Variants in TTN observed in about 807,000 individuals in gnomAD.
TTN encodes the protein titin, also known as connectin.
Under a neutral mutation model 3,223.0 loss-of-function variants are expected in TTN, and 1,525 were observed. The ratio of observed to expected loss-of-function variants is 0.47; its 90% CI spans 0.45 to 0.49. TTN has a LOEUF of 0.49. Ranked by LOEUF, TTN falls within the 20% of genes least tolerant of loss-of-function variation. The probability of loss-of-function intolerance (pLI) is 0.00; values close to 1 mark genes in which losing one functional copy is unlikely to be tolerated. For missense variants in TTN, 40,786 were observed against 43,424.0 expected, an observed-to-expected ratio of 0.94 and a Z score of 5.40; for synonymous variants, 14,094 against 15,161.0, an observed-to-expected ratio of 0.93 and a Z score of 5.17.
intron 117 of TTN, 149 bp downstream of exon 117, chr2:178,694,450 G>T: frequency 1.8e-6 from 1 of 542,528 alleles, no homozygotes; most frequent in Non-Finnish European, 3.3e-6. Flanking sequence ...TTAAACATAT[G>T]TGCAACTCAA....
chr2:178,541,305 G>C lies in TTN; in HGVS notation c.97772C>G (p.Pro32591Arg). ...ACCAATTGGATCCATGGCAACGATG[G>C]GTTTGGAAGGACGACTTGGTTTCCC... ...GSGKPSRPSKPIVAMDPIAPP... is the reference protein window; with the variant it reads ...GSGKPSRPSKRIVAMDPIAPP... Residue 32591 changes from proline (P) to arginine (R), a missense_variant, in exon 350 of 363, where the codon CCC becomes CGC. Transcript: ENST00000589042. 1 of 1,533,908 alleles carries C rather than the reference G, an allele frequency of 6.5e-7. No homozygotes were observed.
At chr2:178,544,652 T>A in intron 344 of TTN, 146 bp from the exon 345 acceptor site, 1 of 629,294 alleles carries the variant, frequency 1.6e-6, no homozygotes, top group Non-Finnish European at 2.7e-6. Context: ...CTCCTGATAT[T>A]ATAGGACAGC....
chr2:178,542,923 T>C lies in TTN; in HGVS notation c.96931A>G (p.Met32311Val), dbSNP rs727504981. 25 of 1,607,564 alleles carry C rather than the reference T, an allele frequency of 1.6e-5. No individual in the cohort carries two copies. The highest frequency in any genetic ancestry group is 1.6e-4 in the Middle Eastern group (1 of 6,064). The change falls in exon 348 of 363, where the codon ATG becomes GTG. Residue 32311 changes from methionine to valine, a missense_variant. Transcript: ENST00000589042. ...GGGACATGGATGGTCTTCTGAGGCA[T>C]TGTAGAAAGATCGATTGTTGGCAAC... ...RVLPTIDLST[M>V]PQKTIHVPAG...
chr2:178,648,600 G>T (rs1478460377), intron 213 of TTN, among the ~76,000 whole-genome samples: 1 of 152,016 alleles, frequency 6.6e-6, no homozygotes, highest in Admixed American at 6.6e-5. Context: ...AGTAGAGACG[G>T]GGTTTCACCA....
At position 178,536,214 on chromosome 2, in the gene TTN, G is replaced by C; in HGVS notation, c.100533C>G (p.Ser33511Arg). The C allele has an allele frequency of 1.9e-6, 3 of 1,613,228 alleles. No homozygotes were observed. The highest frequency in any genetic ancestry group is 2.5e-6 in the Non-Finnish European group (3 of 1,179,498). ...ELRNLNVRYQ[S>R]NATLVCKVTG... is the part of the protein sequence containing the mutation. ...TCACTTTGCAGACCAAGGTAGCATT[G>C]CTCTGATATCTGACATTTAGATTTC... Residue 33511 changes from serine to arginine, a missense_variant, in exon 357 of 363, where the codon AGC becomes AGG. Ser to Arg is a moderately radical substitution (Grantham distance 110, BLOSUM62 -1). Transcript: ENST00000589042.
In TTN at chr2:178,560,505, T is replaced by C; in HGVS notation, c.85627A>G (p.Lys28543Glu). The C allele has an allele frequency of 1.2e-6, 2 of 1,613,044 alleles. No homozygotes were observed. The highest frequency in any genetic ancestry group is 8.5e-7 in the Non-Finnish European group (1 of 1,179,402). The change falls in exon 326 of 363, where the codon AAG becomes GAG. Residue 28543 changes from lysine to glutamate, a missense_variant. Coordinates refer to ENST00000589042, the MANE Select transcript of TTN (RefSeq NM_001267550.2). ...GGAACTGTAAATGGATCTAGTGCCT[T>C]TATAGCTACACTCTCTAGGGGCTCA... The part of the protein sequence containing the change: ...VGEPLESVAI[K>E]ALDPFTVPSP...
intron 100 of TTN, 60 bp downstream of exon 100, chr2:178,707,466 A>T: frequency 6.7e-7 from 1 of 1,493,462 alleles, no homozygotes; most frequent in South Asian, 1.5e-5. Flanking sequence ...AATCATAATA[A>T]GCAAATAAAC....
rs371818894 is a variant in TTN, at chr2:178,574,983, C to A, written c.71149G>T (p.Asp23717Tyr). ...TCATGGACTTGAATGGTGATGACAT[C>A]ACCAACCTCTCCTACAATGTTCCTT... is the stretch of plus-strand genomic sequence containing the variant. ...TARNIVGEVGDVITIQVHDIP... is the reference protein window; with the variant it reads ...TARNIVGEVGYVITIQVHDIP... Residue 23717 changes from aspartate (D) to tyrosine (Y), a missense_variant, in exon 326 of 363, where the codon GAT becomes TAT. Asp to Tyr is a radical substitution (Grantham distance 160). Transcript: ENST00000589042. 207 of 1,613,306 alleles carry A rather than the reference C, an allele frequency of 1.3e-4. No homozygotes were observed. Among genetic ancestry groups the A allele is most frequent in the Non-Finnish European group, 1.6e-4 (190 of 1,179,586 alleles).
At chr2:178,666,658 A>C (rs887487432) in intron 163 of TTN, among the ~76,000 whole-genome samples, 166 bp downstream of exon 163, 25 of 152,206 alleles carry the variant, frequency 1.6e-4, no homozygotes, top group African/African-American at 6.0e-4. Flanking sequence ...CTCTTGAGTG[A>C]CTCACTGGGA....
intron 308 of TTN, among the ~76,000 whole-genome samples, chr2:178,585,594 C>A (rs1294648956): frequency 2.0e-5 from 3 of 152,034 alleles, no homozygotes; most frequent in African/African-American, 7.2e-5. Flanking sequence ...CTTCCCCTAG[C>A]CTCCCAACCC....
rs200802296 is a variant in TTN at position 178,654,198 on chromosome 2, G to T, written c.38380+10C>A. 4 of 1,593,842 alleles carry T rather than the reference G, an allele frequency of 2.5e-6. 1 individual carries two copies. The Admixed American group carries it at 5.2e-5, about 21-fold the overall frequency. ...TAAGTTATTCTTAGCAGAGGAGAGG[G>T]AATAAATACCTTTTGCACGTGGGGC... On this transcript the variant is annotated intron_variant, in intron 193 of 362. Coordinates refer to ENST00000589042, the MANE Select transcript of TTN (RefSeq NM_001267550.2).
chr2:178,530,017 A>G lies in TTN; in HGVS notation c.106474T>C (p.Cys35492Arg). 3.7e-6 allele frequency: 6 copies of G among 1,608,564 alleles called. No homozygotes were observed. Among genetic ancestry groups the G allele is most frequent in the Non-Finnish European group, 5.1e-6 (6 of 1,178,668 alleles). ...GATCCAGCTGAATTTTTTACTGTAC[A>G]AGTATAAAGTCCACTGTCAGAAGTA... ...TDTSDSGLYT[C>R]TVKNSAGSVS... Residue 35492 changes from cysteine (C) to arginine (R), a missense_variant, in exon 359 of 363, where the codon TGT becomes CGT. Coordinates refer to ENST00000589042, the MANE Select transcript of TTN (RefSeq NM_001267550.2).
In TTN at chr2:178,561,662, G is replaced by A; in HGVS notation, c.84470C>T (p.Pro28157Leu). 6.2e-7 allele frequency: 1 copy of A among 1,606,724 alleles called. No homozygotes were observed. The highest frequency in any genetic ancestry group is 1.1e-5 in the South Asian group (1 of 90,080). The change falls in exon 326 of 363, where the codon CCT (proline) becomes CTT (leucine). Residue 28157 changes from proline to leucine, a missense_variant. Transcript: ENST00000589042. Reference sequence around the variant, plus strand: ...ATGCACAACTTTAGGAGTACCAGGAGGACCTGGGGGACTGAATGGATACTC... The same window carrying A: ...ATGCACAACTTTAGGAGTACCAGGAAGACCTGGGGGACTGAATGGATACTC... ...VAEYPFSPPG[P>L]PGTPKVVHAT...
intron 269 of TTN, 50 bp from the exon 270 acceptor site, chr2:178,611,321 A>G (rs1233610822): frequency 6.2e-6 from 10 of 1,610,596 alleles, no homozygotes; most frequent in Admixed American, 5.0e-5. Flanking sequence ...TCAAAATGCA[A>G]TGCATGAATA....
intron 259 of TTN, 141 bp from the exon 260 acceptor site, chr2:178,615,109 T>A: frequency 1.0e-6 from 1 of 990,652 alleles, no homozygotes; most frequent in South Asian, 1.7e-5. Context: ...ACACTATAAC[T>A]GAATACATTT....
chr2:178,790,226 T>C lies in TTN; in HGVS notation c.1801-111A>G, dbSNP rs1398771087. On this transcript the variant is annotated intron_variant, in intron 11 of 362. Coordinates refer to ENST00000589042, the MANE Select transcript of TTN (RefSeq NM_001267550.2). Reference sequence around the variant, plus strand: ...CAAAATTTCTTCCTATTCAAGGAAATTTTAATTGCACTAAAATATATCATT... The same window carrying C: ...CAAAATTTCTTCCTATTCAAGGAAACTTTAATTGCACTAAAATATATCATT... The C allele has an allele frequency of 3.4e-5, 39 of 1,139,524 alleles. No individual in the cohort carries two copies. The East Asian group carries it at 9.6e-4, about 28-fold the overall frequency. The allele number at this position is 1,139,524 out of a possible 1,614,324, so 70.6% of individuals were successfully genotyped here.
Position 178,735,743 on chromosome 2 carries a change from G to A in TTN, c.14703C>T (p.Ile4901=), listed in dbSNP as rs199908911. 1.2e-6 allele frequency: 2 copies of A among 1,613,784 alleles called. No homozygotes were observed. Among genetic ancestry groups the A allele is most frequent in the East Asian group, 2.2e-5 (1 of 44,818 alleles). The change falls in exon 50 of 363, where the codon ATC becomes ATT. Residue 4901 remains isoleucine, a synonymous_variant. Coordinates refer to ENST00000589042, the MANE Select transcript of TTN (RefSeq NM_001267550.2). ...GGCACTCAAGGTGGACCTTCTTATT[G>A]ATAGCGGACTGCACAGGCTCTAATT... ...IKELEPVQSA[I]NKKVHLECQV... is the part of the protein sequence containing the mutation.
At chr2:178,758,452 GC>G (rs1369157233) in intron 44 of TTN, among the ~76,000 whole-genome samples, 1 of 152,078 alleles carries the variant, frequency 6.6e-6, no homozygotes, top group Non-Finnish European at 1.5e-5. Context: ...CAATTTAAGA[GC>G]CCCAACTAAC....
Position 178,710,910 on chromosome 2 carries a change from G to A in TTN, c.28187C>T (p.Pro9396Leu), listed in dbSNP as rs373065549. 5.8e-5 allele frequency: 94 copies of A among 1,613,040 alleles called. No individual in the cohort carries two copies. In the African/African-American group the frequency reaches 1.2e-3, roughly 21 times the overall value. Reference protein sequence around the residue: ...ARLILTEGKNPPFFDIRLAPV... With the variant: ...ARLILTEGKNLPFFDIRLAPV... ...GGCAAGACGGATGTCAAAGAAGGGTGGGTTCTTCCCCTCTAATAGTAGAGC... is the reference window on the plus strand; with the variant it reads ...GGCAAGACGGATGTCAAAGAAGGGTAGGTTCTTCCCCTCTAATAGTAGAGC... Residue 9396 changes from proline to leucine, a missense_variant, in exon 98 of 363, where the codon CCA becomes CTA. Coordinates refer to ENST00000589042, the MANE Select transcript of TTN (RefSeq NM_001267550.2).
Sources: allele counts gnomAD v4.1 joint callset (sites outside exome capture counted in the v4.1 genomes callset), GRCh38; gene constraint gnomAD v4.1.1; transcripts MANE v1.5; gene names NCBI Gene and HGNC (gene_info 2026-07-23, HGNC 2026-07-21).